AIM2: variants seen among roughly 807,000 people sequenced by gnomAD.
The protein encoded by AIM2 is interferon-inducible protein AIM2.
AIM2 carries 30 observed loss-of-function variants against 27.7 expected under a neutral mutation model. The ratio of observed to expected loss-of-function variants is 1.08; its 90% CI spans 0.81 to 1.47. The LOEUF is 1.47. Among genes scored for constraint, AIM2 ranks in the 40% most tolerant of loss-of-function variants. AIM2 has a pLI of 0.00. For synonymous variants in AIM2, 141 were observed against 145.3 expected (o/e 0.97, Z 0.21); for missense variants, 358 against 411.3 (o/e 0.87, Z 1.12).
chr1:159,115,086 G>T (rs1647297691), intron 1 of AIM2, among the ~76,000 whole-genome samples: 1 of 152,136 alleles, frequency 6.6e-6, no homozygotes, highest in African/African-American at 2.4e-5. Flanking sequence ...ATTCACAATT[G>T]CTTCAAAGAG....
At chr1:159,138,323 C>T (rs1648049768) in intron 1 of AIM2, among the ~76,000 whole-genome samples, 1 of 152,168 alleles carries the variant, frequency 6.6e-6, no homozygotes, top group African/African-American at 2.4e-5. Context: ...TCTGCTCTTG[C>T]TGTTTCTCTG....
At chr1:159,126,597 C>A (rs1015784700) in intron 1 of AIM2, among the ~76,000 whole-genome samples, 13 of 137,448 alleles carry the variant, frequency 9.5e-5, no homozygotes, top group Admixed American at 4.3e-4. Flanking sequence ...TGCAGTGAGC[C>A]GAAATGGCAC....
rs745765084 is a variant in AIM2 at position 159,066,138 on chromosome 1, C to A, written c.588G>T (p.Leu196=). The change falls in exon 4 of 6, where the codon CTG becomes CTT. Residue 196 remains leucine (L), a synonymous_variant. Transcript: ENST00000368130. ...TCTTTGGAATGAATTTATCTTTCAG[C>A]AGTGTATTAAAAACTTTTACAAAGA... ...EFFFVKVFNT[L]LKDKFIPKRI... is the part of the protein sequence containing the mutation. 6.2e-7 allele frequency: 1 copy of A among 1,614,036 alleles called. No homozygotes were observed. Among genetic ancestry groups the A allele is most frequent in the Admixed American group, 1.7e-5 (1 of 59,988 alleles).
At chr1:159,127,774 T>G (rs1192270707) in intron 1 of AIM2, among the ~76,000 whole-genome samples, 12 of 152,146 alleles carry the variant, frequency 7.9e-5, no homozygotes, top group African/African-American at 2.9e-4. Context: ...ACCTTGGACT[T>G]CCCAAGGCTG....
At chr1:159,115,319 A>G (rs1252706360) in intron 1 of AIM2, among the ~76,000 whole-genome samples, 1 of 152,210 alleles carries the variant, frequency 6.6e-6, no homozygotes, top group Non-Finnish European at 1.5e-5. Flanking sequence ...TCTTCACAGA[A>G]TTGGAAAAAA....
At chr1:159,076,536 G>C (rs1244844411) in intron 1 of AIM2, 97 bp downstream of exon 1, 1 of 152,264 alleles carries the variant, frequency 6.6e-6, no homozygotes, top group Non-Finnish European at 1.5e-5. Flanking sequence ...GGTTCTCAGA[G>C]GTGTGCACAG....
At chr1:159,071,707 A>T (rs953699661) in intron 2 of AIM2, among the ~76,000 whole-genome samples, 1 of 152,192 alleles carries the variant, frequency 6.6e-6, no homozygotes, top group Non-Finnish European at 1.5e-5. Flanking sequence ...ACAAAGTTTC[A>T]CTATGTTGGC....
chr1:159,055,996 G>A, the AIM2 span, among the ~76,000 whole-genome samples: 2 of 152,172 alleles, frequency 1.3e-5, no homozygotes, highest in East Asian at 1.9e-4. Context: ...TTAGGAGAGG[G>A]TTGTGGGGAT....
intron 4 of AIM2, among the ~76,000 whole-genome samples, chr1:159,065,132 G>A (rs1288561882): frequency 6.6e-6 from 1 of 152,100 alleles, no homozygotes; most frequent in Non-Finnish European, 1.5e-5. Context: ...CTGAATGCAG[G>A]GGCAGCAGGT....
chr1:159,143,341 G>T (rs1421395370), upstream of AIM2, among the ~76,000 whole-genome samples: 1 of 152,096 alleles, frequency 6.6e-6, no homozygotes, highest in African/African-American at 2.4e-5. Context: ...TGGGAGCTCA[G>T]AAAAATGAGA....
chr1:159,127,851 G>A (rs1647764655), intron 1 of AIM2, among the ~76,000 whole-genome samples: 1 of 152,124 alleles, frequency 6.6e-6, no homozygotes, highest in Non-Finnish European at 1.5e-5. Context: ...CAGGTCTGTG[G>A]CACTTTGTTG....
At chr1:159,072,204 T>C (rs1200872122) in intron 2 of AIM2, among the ~76,000 whole-genome samples, 1 of 152,204 alleles carries the variant, frequency 6.6e-6, no homozygotes, top group African/African-American at 2.4e-5. Context: ...GAACTACACC[T>C]TCTAACTTAA....
At chr1:159,129,703 T>C (rs1647816932) in intron 1 of AIM2, among the ~76,000 whole-genome samples, 1 of 152,198 alleles carries the variant, frequency 6.6e-6, no homozygotes, top group Admixed American at 6.5e-5. Context: ...GGAACAACTT[T>C]CATTACTACT....
chr1:159,109,618 T>C (rs551520798), intron 1 of AIM2, among the ~76,000 whole-genome samples: 15 of 151,912 alleles, frequency 9.9e-5, no homozygotes, highest in South Asian at 8.3e-4. Flanking sequence ...GCAGAGTAAA[T>C]AGACAACCCA....
intron 1 of AIM2, chr1:159,140,317 A>G (rs895448031): frequency 6.6e-6 from 1 of 152,236 alleles, no homozygotes; most frequent in African/African-American, 2.4e-5. Context: ...AAAGTACCAT[A>G]CTACTTCAAG....
At chr1:159,071,607 T>C (rs1194302360) in intron 2 of AIM2, among the ~76,000 whole-genome samples, 2 of 152,170 alleles carry the variant, frequency 1.3e-5, no homozygotes, top group Non-Finnish European at 2.9e-5. Flanking sequence ...CCTCCCAGGT[T>C]CAAGTGATTC....
intron 1 of AIM2, among the ~76,000 whole-genome samples, chr1:159,095,309 C>A (rs752939912): frequency 6.6e-6 from 1 of 152,230 alleles, no homozygotes; most frequent in Middle Eastern, 3.4e-3. Flanking sequence ...TCAGCCATTT[C>A]CCCGAGGCAG....
intron 1 of AIM2, among the ~76,000 whole-genome samples, chr1:159,117,809 G>T (rs368587450): frequency 1.3e-3 from 205 of 151,990 alleles, no homozygotes; most frequent in African/African-American, 4.7e-3. Flanking sequence ...GCAGTGTCTT[G>T]CTTCATTTTG....
At chr1:159,103,242 GT>G (rs1268286062) in intron 1 of AIM2, among the ~76,000 whole-genome samples, 17 of 152,212 alleles carry the variant, frequency 1.1e-4, no homozygotes, top group African/African-American at 3.9e-4. Flanking sequence ...CACCATGATT[GT>G]AAGTTTTCTG....
Sources: allele counts gnomAD v4.1 joint callset (sites outside exome capture counted in the v4.1 genomes callset), GRCh38; gene constraint gnomAD v4.1.1; transcripts MANE v1.5; gene names NCBI Gene and HGNC (gene_info 2026-07-23, HGNC 2026-07-21).